Variants in DYRK4 observed in about 807,000 individuals in gnomAD.
DYRK4 encodes dual specificity tyrosine-phosphorylation-regulated kinase 4.
Under a neutral mutation model 68.3 loss-of-function variants are expected in DYRK4, and 64 were observed. That is an observed-to-expected ratio of 0.94 (90% CI 0.77 to 1.15). The LOEUF (loss-of-function observed/expected upper bound fraction) is 1.15. DYRK4 is among the 50% of genes most tolerant of loss of function. DYRK4 has a pLI of 0.00. For synonymous variants in DYRK4, 274 were observed against 289.9 expected, an observed-to-expected ratio of 0.95 and a Z score of 0.56; for missense variants, 740 against 764.7, an observed-to-expected ratio of 0.97 and a Z score of 0.38.
Position 4,596,206 on chromosome 12 carries a change from T to A in DYRK4, c.685T>A (p.Ser229Thr). The change falls in exon 7 of 15, where the codon TCC (serine) becomes ACC (threonine). Residue 229 changes from serine to threonine, a missense_variant. Physicochemically the swap from Ser to Thr is moderately conservative, Grantham distance 58 (BLOSUM62 1). This residue lies in a region of DYRK4 where 614 missense variants were observed against 603.7 expected (regional missense o/e 1.02). Coordinates refer to ENST00000543431, the MANE Select transcript of DYRK4 (RefSeq NM_001394779.1). Reference sequence around the variant, plus strand: ...AGTTCTGGAGACAATCGGGAAGGGGTCCTTTGGACAGGTGGCCAAGTGCTT... The same window carrying A: ...AGTTCTGGAGACAATCGGGAAGGGGACCTTTGGACAGGTGGCCAAGTGCTT... Reference protein sequence around the residue: ...YEVLETIGKGSFGQVAKCLDH... With the variant: ...YEVLETIGKGTFGQVAKCLDH... 1 of 1,613,658 alleles carries A rather than the reference T, an allele frequency of 6.2e-7. No individual in the cohort carries two copies. The highest frequency in any genetic ancestry group is 8.5e-7 in the Non-Finnish European group (1 of 1,179,956).
At chr12:4,612,851 T>C (rs1355207031) in intron 14 of DYRK4, 133 bp downstream of exon 14, 1 of 955,116 alleles carries the variant, frequency 1.0e-6, no homozygotes, top group Non-Finnish European at 1.6e-6. Context: ...GTTTTTAATA[T>C]TCTGTTTAAT....
intron 2 of DYRK4, among the ~76,000 whole-genome samples, chr12:4,586,705 T>TAC (rs527544594): frequency 0.018 from 1,430 of 77,560 alleles, 20 homozygotes; most frequent in East Asian, 0.05. Flanking sequence ...CTGGGCTGCG[T>TAC]ACACACACAC....
Position 4,613,370 on chromosome 12 carries a change from G to A in DYRK4, c.1667-145G>A, listed in dbSNP as rs778926731. 32 of 1,030,862 alleles carry A rather than the reference G, an allele frequency of 3.1e-5. No homozygotes were observed. The highest frequency in any genetic ancestry group is 6.5e-5 in the African/African-American group (4 of 61,618). 63.9% of individuals were successfully genotyped at this position (1,030,862 alleles called of 1,614,324 possible). On this transcript the variant is annotated intron_variant, in intron 14 of 14. Transcript: ENST00000543431. The surrounding 1 kb of genome is among the most constrained non-coding windows in gnomAD (Gnocchi z 4.0). ...ATGTACAGTGCTTAGAATAATGCCC[G>A]GCACATTGGAGGTGCTTTACAAATG...
chr12:4,586,360 A>T (rs75244612), intron 2 of DYRK4, among the ~76,000 whole-genome samples: 2,285 of 152,280 alleles, frequency 0.015, 46 homozygotes, highest in African/African-American at 0.051. Flanking sequence ...AGATTTAGAT[A>T]CAGAGCTCAG....
chr12:4,570,809 A>T (rs962936715), intron 2 of DYRK4, among the ~76,000 whole-genome samples: 52 of 152,190 alleles, frequency 3.4e-4, no homozygotes, highest in Non-Finnish European at 2.2e-4. Flanking sequence ...ATGTGATTTC[A>T]CTGGGCTTTA....
intron 8 of DYRK4, 42 bp from the exon 9 acceptor site, chr12:4,598,985 GT>G: frequency 6.2e-7 from 1 of 1,609,280 alleles, no homozygotes; most frequent in Middle Eastern, 1.7e-4. Flanking sequence ...AGCCTTATAT[GT>G]TTTTTTACAC....
rs568068297 is a variant in DYRK4 at position 4,596,995 on chromosome 12, C to G, written c.905+266C>G. On this transcript the variant is annotated intron_variant, in intron 8 of 14. Coordinates refer to ENST00000543431, the MANE Select transcript of DYRK4 (RefSeq NM_001394779.1). Reference sequence around the variant, plus strand: ...CCAGGTGACATGACCAAAACAAGGCCTCTTTCCTTAAGAGCTAAACTGAAA... The same window carrying G: ...CCAGGTGACATGACCAAAACAAGGCGTCTTTCCTTAAGAGCTAAACTGAAA... 3.1e-6 allele frequency: 4 copies of G among 1,304,634 alleles called. No individual in the cohort carries two copies. The African/African-American group carries it at 6.1e-5, about 20-fold the overall frequency. 80.8% of individuals were successfully genotyped at this position (1,304,634 alleles called of 1,614,324 possible).
In DYRK4 at chr12:4,591,195, G is replaced by A; in HGVS notation, c.360G>A (p.Glu120=). Residue 120 remains glutamate, a synonymous_variant, in exon 5 of 15, where the codon GAG becomes GAA. Transcript: ENST00000543431. This position sits in a 1 kb window ranked among gnomAD's most constrained non-coding sequence, Gnocchi z 4.1. ...CTCACAATCAGATGCCGGCCTCAGA[G>A]CTCAAGGCTTCAGAAATACCTTTCC... ...NQAHNQMPAS[E]LKASEIPFHP... is the part of the protein sequence containing the mutation. The A allele has an allele frequency of 2.5e-6, 4 of 1,614,122 alleles. No homozygotes were observed. Among genetic ancestry groups the A allele is most frequent in the Non-Finnish European group, 3.4e-6 (4 of 1,180,020 alleles).
chr12:4,574,082 G>A (rs1012950560), intron 2 of DYRK4, among the ~76,000 whole-genome samples: 1 of 151,988 alleles, frequency 6.6e-6, no homozygotes, highest in African/African-American at 2.4e-5. Flanking sequence ...AAAATTAGCC[G>A]TGCGTGGTGG....
Position 4,591,223 on chromosome 12 carries a change from C to G in DYRK4, c.388C>G (p.Pro130Ala). 1 of 1,614,158 alleles carries G rather than the reference C, an allele frequency of 6.2e-7. No individual in the cohort carries two copies. The highest frequency in any genetic ancestry group is 8.5e-7 in the Non-Finnish European group (1 of 1,180,028). Residue 130 changes from proline to alanine, a missense_variant, in exon 5 of 15, where the codon CCT becomes GCT. Physicochemically the swap from Pro to Ala is conservative, Grantham distance 27. This residue lies in a region of DYRK4 where 56 missense variants were observed against 89.9 expected (regional missense o/e 0.62). Coordinates refer to ENST00000543431, the MANE Select transcript of DYRK4 (RefSeq NM_001394779.1). The surrounding 1 kb of genome is among the most constrained non-coding windows in gnomAD (Gnocchi z 4.1). Reference sequence around the variant, plus strand: ...CAAGGCTTCAGAAATACCTTTCCACCCTAGCATTAAAACCCAGGATCCCAA... The same window carrying G: ...CAAGGCTTCAGAAATACCTTTCCACGCTAGCATTAAAACCCAGGATCCCAA... ...ELKASEIPFH[P>A]SIKTQDPKAE...
Position 4,562,614 on chromosome 12 carries a change from G to A in DYRK4, c.38+331G>A, listed in dbSNP as rs140046736. ...GACCTATCCTGGAACTGTGCTTCCA[G>A]CCCTCACTGGGACGCCAGACTTTCT... On this transcript the variant is annotated intron_variant, in intron 1 of 14. Coordinates refer to ENST00000543431, the MANE Select transcript of DYRK4 (RefSeq NM_001394779.1). Among the ~76,000 whole-genome samples, 525 of 152,372 alleles carry A rather than the reference G, an allele frequency of 3.4e-3. 11 individuals carry two copies. Among genetic ancestry groups the A allele is most frequent in the Admixed American group, 0.031 (471 of 15,312 alleles).
At chr12:4,584,358 C>T (rs556899378) in intron 2 of DYRK4, among the ~76,000 whole-genome samples, 3 of 152,296 alleles carry the variant, frequency 2.0e-5, no homozygotes, top group East Asian at 3.9e-4. Flanking sequence ...GTGCATCCTT[C>T]CGGCTTGCGG....
intron 2 of DYRK4, among the ~76,000 whole-genome samples, chr12:4,579,905 C>G (rs1023678685): frequency 1.2e-4 from 19 of 152,130 alleles, no homozygotes. Flanking sequence ...GAGGAGATCA[C>G]TGGGTGGCAG....
At chr12:4,572,254 C>T (rs1944737360) in intron 2 of DYRK4, among the ~76,000 whole-genome samples, 2 of 152,112 alleles carry the variant, frequency 1.3e-5, no homozygotes, top group Non-Finnish European at 2.9e-5. Flanking sequence ...TTAAAGACTA[C>T]TGAAATCAGA....
rs190365420 is a variant in DYRK4, at chr12:4,572,100, C to T, written c.132+4052C>T. ...TCTCATAAAGCTTAAAATTGGGATT[C>T]TTTGTAGGAAGACCAGATGTTTTGA... On this transcript the variant is annotated intron_variant, in intron 2 of 14. Coordinates refer to ENST00000543431, the MANE Select transcript of DYRK4 (RefSeq NM_001394779.1). Among the ~76,000 whole-genome samples the T allele has an allele frequency of 5.3e-4, 80 of 152,268 alleles. No homozygotes were observed. In the Middle Eastern group the frequency reaches 0.01, roughly 19 times the overall value.
chr12:4,593,208 A>C, intron 6 of DYRK4, 43 bp downstream of exon 6: 2 of 1,598,886 alleles, frequency 1.3e-6, no homozygotes, highest in Non-Finnish European at 8.5e-7. Context: ...GGGCCCAGGG[A>C]CAAGAGGTAG....
intron 6 of DYRK4, among the ~76,000 whole-genome samples, chr12:4,594,736 G>A (rs943459889): frequency 6.6e-6 from 1 of 150,422 alleles, no homozygotes; most frequent in Non-Finnish European, 1.5e-5. Context: ...AGGGCGTTGT[G>A]GGGAAGAAAG....
rs1944961007 is a variant in DYRK4 at position 4,591,967 on chromosome 12, C to A, written c.463+669C>A. On this transcript the variant is annotated intron_variant, in intron 5 of 14. Transcript: ENST00000543431. The surrounding 1 kb of genome is among the most constrained non-coding windows in gnomAD (Gnocchi z 4.1). ...CATGGGTTTTTGGCCAGTAGCTAGA[C>A]TTTTAATGGGATTCAGAGACTCATA... 1 of 152,240 alleles carries A rather than the reference C, an allele frequency of 6.6e-6. No homozygotes were observed. The highest frequency in any genetic ancestry group is 6.5e-5 in the Admixed American group (1 of 15,292). 9.4% of individuals were successfully genotyped at this position (152,240 alleles called of 1,614,324 possible). A position where few individuals can be genotyped will look rare whatever the true frequency, so the allele number is the denominator to read the frequency against.
At chr12:4,602,323 AT>A in intron 10 of DYRK4, 1 of 906,086 alleles carries the variant, frequency 1.1e-6, no homozygotes. Flanking sequence ...CTCTTCTTCT[AT>A]TTTCTGTTGC....
Sources: allele counts gnomAD v4.1 joint callset (sites outside exome capture counted in the v4.1 genomes callset), GRCh38; gene constraint gnomAD v4.1.1; regional missense constraint gnomAD v4.1.1; non-coding constraint Gnocchi (gnomAD v3.1); transcripts MANE v1.5; gene names NCBI Gene and HGNC (gene_info 2026-07-23, HGNC 2026-07-21).